DOCK8: variants seen among roughly 807,000 people sequenced by gnomAD.
DOCK8 encodes the protein dedicator of cytokinesis protein 8.
DOCK8 carries 141 observed loss-of-function variants against 245.6 expected under a neutral mutation model. That is an observed-to-expected ratio of 0.57 (90% confidence interval 0.50 to 0.66). The LOEUF is 0.66. Among genes scored for constraint, DOCK8 ranks in the 30% least tolerant of loss-of-function variants. The pLI, the probability that DOCK8 is intolerant of heterozygous loss-of-function variation, is 0.00. For synonymous variants in DOCK8, 1,168 were observed against 970.2 expected, an observed-to-expected ratio of 1.20 and a Z score of -3.79; for missense variants, 2,965 against 2,603.4, an observed-to-expected ratio of 1.14 and a Z score of -3.02.
At position 439,177 on chromosome 9, in the gene DOCK8, G is replaced by C. The variant is rs147136649; in HGVS notation, c.5080-68G>C. 3.3e-4 allele frequency: 522 copies of C among 1,605,352 alleles called. 4 individuals are homozygous for C. In the East Asian group the frequency reaches 0.011, roughly 34 times the overall value. ...CACCAGCTTCCTCGTTTCCCCATTC[G>C]GGGTTCCTGTGGTCTCTTACTAGTC... On this transcript the variant is annotated intron_variant, in intron 39 of 47. Coordinates refer to ENST00000432829, the MANE Select transcript of DOCK8 (RefSeq NM_203447.4).
At chr9:343,976 C>T (rs915937136) in intron 14 of DOCK8, among the ~76,000 whole-genome samples, 1 of 152,180 alleles carries the variant, frequency 6.6e-6, no homozygotes, top group African/African-American at 2.4e-5. Flanking sequence ...CATTAGTGCA[C>T]TGAATGATCC....
intron 39 of DOCK8, among the ~76,000 whole-genome samples, chr9:437,177 C>T (rs549829873): frequency 1.3e-5 from 2 of 152,170 alleles, no homozygotes; most frequent in Non-Finnish European, 2.9e-5. Context: ...ATTTATCAGC[C>T]CGTCTGAGGA....
intron 1 of DOCK8, 159 bp downstream of exon 1, chr9:215,188 G>A (rs1424594680): frequency 6.6e-7 from 1 of 1,514,358 alleles, no homozygotes; most frequent in South Asian, 1.2e-5. Flanking sequence ...CTGCGGCGGT[G>A]GAGCCGCTGG....
At chr9:417,044 C>T (rs1586969443) in intron 29 of DOCK8, among the ~76,000 whole-genome samples, 1 of 152,286 alleles carries the variant, frequency 6.6e-6, no homozygotes, top group Non-Finnish European at 1.5e-5. Flanking sequence ...CCTGTAATCC[C>T]AGCACTTTGG....
chr9:216,931 T>C (rs1170251858), intron 1 of DOCK8, among the ~76,000 whole-genome samples: 1 of 152,150 alleles, frequency 6.6e-6, no homozygotes, highest in Non-Finnish European at 1.5e-5. Context: ...GGCTCTCTGC[T>C]ACAAAGTCAC....
At chr9:227,565 T>C (rs540376993) in intron 1 of DOCK8, among the ~76,000 whole-genome samples, 131 of 152,208 alleles carry the variant, frequency 8.6e-4, no homozygotes, top group Non-Finnish European at 1.6e-3. Flanking sequence ...TGAAGGCCTT[T>C]GTTTTTGTAA....
intron 1 of DOCK8, among the ~76,000 whole-genome samples, chr9:243,493 A>G (rs932666458): frequency 2.0e-5 from 3 of 152,252 alleles, no homozygotes; most frequent in East Asian, 3.9e-4. Flanking sequence ...GGAAAGATCA[A>G]TTGTTTCTTG....
At chr9:273,936 C>G (rs1272355821) in intron 2 of DOCK8, among the ~76,000 whole-genome samples, 2 of 152,242 alleles carry the variant, frequency 1.3e-5, no homozygotes, top group East Asian at 3.9e-4. Flanking sequence ...TAACTCCTGA[C>G]CTCAGGTGAT....
chr9:389,738 G>A (rs1038799310), intron 23 of DOCK8, among the ~76,000 whole-genome samples: 7 of 152,118 alleles, frequency 4.6e-5, no homozygotes, highest in African/African-American at 4.8e-5. Flanking sequence ...CACAGAGGCC[G>A]GGCGTAGTGG....
chr9:255,746 C>G (rs750530196), intron 1 of DOCK8, among the ~76,000 whole-genome samples: 1 of 149,892 alleles, frequency 6.7e-6, no homozygotes, highest in Non-Finnish European at 1.5e-5. Context: ...CCTCTAGTCT[C>G]TTATCATTTC....
intron 33 of DOCK8, 125 bp downstream of exon 33, chr9:422,260 G>T (rs1216284008): frequency 7.2e-6 from 6 of 831,714 alleles, no homozygotes; most frequent in Non-Finnish European, 1.2e-5. Context: ...CATTATCTGT[G>T]TAAATACAAT....
intron 1 of DOCK8, among the ~76,000 whole-genome samples, chr9:237,861 A>G (rs2047292350): frequency 6.6e-6 from 1 of 152,152 alleles, no homozygotes; most frequent in Non-Finnish European, 1.5e-5. Context: ...TTTAAACAGC[A>G]TATATTTAAA....
chr9:304,838 A>G, intron 5 of DOCK8, 134 bp downstream of exon 5: 2 of 1,271,454 alleles, frequency 1.6e-6, no homozygotes, highest in Non-Finnish European at 2.2e-6. Context: ...CATCTGAGTC[A>G]GTGATTTTTT....
upstream of DOCK8, chr9:212,736 A>G (rs947625595): frequency 6.6e-6 from 1 of 152,246 alleles, no homozygotes; most frequent in Admixed American, 6.5e-5. Flanking sequence ...AATCTATTGC[A>G]GTATGATCTG....
intron 14 of DOCK8, among the ~76,000 whole-genome samples, chr9:356,303 C>T (rs562376689): frequency 2.6e-5 from 4 of 152,042 alleles, no homozygotes; most frequent in Admixed American, 6.6e-5. Flanking sequence ...CCGAGGCGGG[C>T]GGATCACGAG....
chr9:379,679 C>A, intron 20 of DOCK8, 92 bp from the exon 21 acceptor site: 1 of 1,423,578 alleles, frequency 7.0e-7, no homozygotes, highest in Non-Finnish European at 9.8e-7. Context: ...GGTCAGCGGT[C>A]AGGACTCATT....
At chr9:327,332 A>C (rs1019287621) in intron 8 of DOCK8, among the ~76,000 whole-genome samples, 10 of 151,116 alleles carry the variant, frequency 6.6e-5, no homozygotes, top group Middle Eastern at 3.4e-3. Context: ...CTTTGTATGC[A>C]TGTGGTGACT....
chr9:377,323 T>A, intron 20 of DOCK8, 112 bp downstream of exon 20: 1 of 1,075,696 alleles, frequency 9.3e-7, no homozygotes, highest in Non-Finnish European at 1.3e-6. Context: ...TCCTTTCCAC[T>A]GATGATGTGT....
intron 1 of DOCK8, among the ~76,000 whole-genome samples, chr9:253,281 C>T (rs140237647): frequency 1.5e-3 from 233 of 152,290 alleles, no homozygotes; most frequent in Middle Eastern, 3.4e-3. Context: ...ATCTTTCAAT[C>T]GAACTAAACA....
Sources: gnomAD v4.1 joint callset for allele counts (sites outside exome capture counted in the v4.1 genomes callset) on GRCh38, gnomAD v4.1.1 for gene constraint, MANE v1.5 for transcripts, NCBI Gene and HGNC (gene_info 2026-07-23, HGNC 2026-07-21) for gene names.